The following MBTPS1 variants were observed in gnomAD, a reference collection of about 807,000 sequenced individuals.
The protein encoded by MBTPS1 is membrane-bound transcription factor site-1 protease.
In MBTPS1, 94 loss-of-function variants were observed where a neutral mutation model predicts 127.8. The ratio of observed to expected loss-of-function variants is 0.74; its 90% CI spans 0.62 to 0.87. MBTPS1 has a LOEUF of 0.87. Ranked by LOEUF, MBTPS1 falls within the 40% of genes least tolerant of loss-of-function variation. The pLI, the probability that MBTPS1 is intolerant of heterozygous loss-of-function variation, is 0.00. For synonymous variants in MBTPS1, 632 were observed against 509.4 expected (o/e 1.24, Z -3.24); for missense variants, 1,636 against 1,353.2 (o/e 1.21, Z -3.28).
chr16:84,093,239 T>A lies in MBTPS1; in HGVS notation c.795A>T (p.Gly265=), dbSNP rs1162105417. The change falls in exon 6 of 23, where the codon GGA becomes GGT. Residue 265 remains glycine (G), a synonymous_variant. Coordinates refer to ENST00000343411, the MANE Select transcript of MBTPS1 (RefSeq NM_003791.4). ...GVIASMRECQ[G]FAPDAELHIF... is the part of the protein sequence containing the mutation. ...TGTGAAGTTCTGCATCTGGAGCAAA[T>A]CCTTGGCACTCCCTCATGCTGGCTA... The A allele has an allele frequency of 6.2e-7, 1 of 1,613,938 alleles. No individual in the cohort carries two copies. Among genetic ancestry groups the A allele is most frequent in the Non-Finnish European group, 8.5e-7 (1 of 1,179,966 alleles).
intron 11 of MBTPS1, among the ~76,000 whole-genome samples, chr16:84,078,534 G>A (rs540968400): frequency 2.0e-4 from 31 of 152,302 alleles, no homozygotes; most frequent in African/African-American, 6.5e-4. Context: ...TCTCAATGCT[G>A]AGCAGGGTAA....
chr16:84,056,062 G>T lies in MBTPS1; in HGVS notation c.2905C>A (p.Arg969Ser). The T allele has an allele frequency of 6.2e-7, 1 of 1,614,074 alleles. No homozygotes were observed. The highest frequency in any genetic ancestry group is 1.1e-5 in the South Asian group (1 of 91,086). ...KVVLPNFRSNRPQVRPLSPGE... is the reference protein window; with the variant it reads ...KVVLPNFRSNSPQVRPLSPGE... ...GGGGACAAGGGCCTCACTTGAGGGC[G>T]ATTCGATCGAAAGTTGGGTAACACC... The change falls in exon 22 of 23, where the codon CGC becomes AGC. Residue 969 changes from arginine (R) to serine (S), a missense_variant. Transcript: ENST00000343411.
chr16:84,065,835 C>A (rs980421151), intron 17 of MBTPS1, 68 bp from the exon 18 acceptor site: 23 of 886,322 alleles, frequency 2.6e-5, no homozygotes, highest in Non-Finnish European at 1.2e-5. Flanking sequence ...AATAGCTACT[C>A]GTTTACCCAA....
intron 19 of MBTPS1, among the ~76,000 whole-genome samples, chr16:84,062,933 G>A (rs1479351556): frequency 6.6e-6 from 1 of 152,162 alleles, no homozygotes; most frequent in Non-Finnish European, 1.5e-5. Context: ...GCGCCCCCTC[G>A]TGGCAGTGCC....
intron 11 of MBTPS1, among the ~76,000 whole-genome samples, chr16:84,079,803 T>C (rs930343186): frequency 2.0e-5 from 3 of 152,358 alleles, no homozygotes; most frequent in African/African-American, 4.8e-5. Context: ...CATGAACTCA[T>C]GTTTCCAGTA....
intron 1 of MBTPS1, among the ~76,000 whole-genome samples, chr16:84,111,796 T>C (rs1023165207): frequency 1.3e-5 from 2 of 152,116 alleles, no homozygotes; most frequent in Non-Finnish European, 2.9e-5. Flanking sequence ...TGGTCATTTG[T>C]TACAATAGAA....
intron 1 of MBTPS1, among the ~76,000 whole-genome samples, chr16:84,115,662 C>A (rs141904672): frequency 6.6e-6 from 1 of 152,174 alleles, no homozygotes; most frequent in African/African-American, 2.4e-5. Context: ...TCTGAATATA[C>A]GAAATAGTCA....
intron 18 of MBTPS1, 140 bp downstream of exon 18, chr16:84,065,550 G>C (rs985512458): frequency 4.6e-6 from 3 of 654,622 alleles, no homozygotes; most frequent in East Asian, 2.8e-5. Flanking sequence ...CACTTTAAAA[G>C]GGCAACTGTT....
intron 20 of MBTPS1, chr16:84,060,080 G>C (rs1231609791): frequency 6.5e-6 from 1 of 152,894 alleles, no homozygotes; most frequent in African/African-American, 2.4e-5. Flanking sequence ...GCACACCAGG[G>C]ACTTAGACGC....
intron 21 of MBTPS1, chr16:84,056,918 G>C (rs991125548): frequency 5.3e-5 from 8 of 152,230 alleles, no homozygotes; most frequent in Non-Finnish European, 1.0e-4. Context: ...CGAAGAGCGC[G>C]ATGGGAAAAA....
chr16:84,108,137 T>A (rs540423199), intron 1 of MBTPS1, among the ~76,000 whole-genome samples: 1 of 152,184 alleles, frequency 6.6e-6, no homozygotes, highest in South Asian at 2.1e-4. Flanking sequence ...GTTCTCACTA[T>A]ACAATGCAAA....
intron 1 of MBTPS1, among the ~76,000 whole-genome samples, chr16:84,106,167 C>T (rs910626790): frequency 3.3e-5 from 5 of 152,030 alleles, no homozygotes; most frequent in African/African-American, 9.7e-5. Flanking sequence ...TGGCGACAGG[C>T]GCCTGTAGCT....
Position 84,066,696 on chromosome 16 carries a change from A to G in MBTPS1, c.2229-83T>C, listed in dbSNP as rs2085689012. 3.0e-6 allele frequency: 4 copies of G among 1,338,058 alleles called. No individual in the cohort carries two copies. The East Asian group carries it at 1.0e-4, about 34-fold the overall frequency. The allele number at this position is 1,338,058 out of a possible 1,614,324, so 82.9% of individuals were successfully genotyped here. A position where few individuals can be genotyped will look rare whatever the true frequency, so the allele number is the denominator to read the frequency against. On this transcript the variant is annotated intron_variant, in intron 16 of 22. Coordinates refer to ENST00000343411, the MANE Select transcript of MBTPS1 (RefSeq NM_003791.4). The stretch of plus-strand genomic sequence containing the variant: ...TTATTTAGTCTCTGTGACAAAACTC[A>G]ATTTCTCCTGCCACAATCCAGTCCT...
intron 19 of MBTPS1, among the ~76,000 whole-genome samples, chr16:84,062,965 C>T (rs758205647): frequency 2.0e-5 from 3 of 152,196 alleles, no homozygotes; most frequent in Non-Finnish European, 2.9e-5. Flanking sequence ...GGCAGCACGG[C>T]GTAGGAAGCC....
chr16:84,073,677 A>T lies in MBTPS1; in HGVS notation c.1593+920T>A, dbSNP rs966003709. 4.2e-5 allele frequency among the ~76,000 whole-genome samples: 5 copies of T among 119,760 alleles called. No homozygotes were observed. In the South Asian group the frequency reaches 7.2e-4, roughly 17 times the overall value. 78.6% of individuals were successfully genotyped at this position (119,760 alleles called of 152,430 possible). ...TTTTAAAAATTTACAAAACAATATT[A>T]AAAAAAAAAGACCGTATCTTCCAAA... On this transcript the variant is annotated intron_variant, in intron 12 of 22. Coordinates refer to ENST00000343411, the MANE Select transcript of MBTPS1 (RefSeq NM_003791.4).
At chr16:84,098,786 C>A (rs891860307) in intron 3 of MBTPS1, among the ~76,000 whole-genome samples, 5 of 152,090 alleles carry the variant, frequency 3.3e-5, no homozygotes, top group Non-Finnish European at 5.9e-5. Flanking sequence ...AAACAAAGAT[C>A]ACTACCATCT....
At chr16:84,079,901 AC>A (rs1199010168) in intron 11 of MBTPS1, among the ~76,000 whole-genome samples, 1 of 152,162 alleles carries the variant, frequency 6.6e-6, no homozygotes, top group Non-Finnish European at 1.5e-5. Context: ...GAGCGCAGTA[AC>A]CACTGTGAGC....
chr16:84,056,461 C>G lies in MBTPS1; in HGVS notation c.2832-326G>C, dbSNP rs894853387. 1.9e-5 allele frequency: 4 copies of G among 211,824 alleles called. No homozygotes were observed. The Admixed American group carries it at 2.2e-4, about 12-fold the overall frequency. The allele number at this position is 211,824 out of a possible 1,614,324, so 13.1% of individuals were successfully genotyped here. A position where few individuals can be genotyped will look rare whatever the true frequency, so the allele number is the denominator to read the frequency against. ...ACTCCAAGCGAGGCCCTGGAAGGAG[C>G]CTGTCAGGGGGAGGAGCTGAAGCCT... On this transcript the variant is annotated intron_variant, in intron 21 of 22. Transcript: ENST00000343411.
chr16:84,061,225 T>C (rs2085608021), intron 19 of MBTPS1: 1 of 162,518 alleles, frequency 6.2e-6, no homozygotes, highest in Admixed American at 5.9e-5. Context: ...TCAAAGTAAA[T>C]CCAACATGTT....
Sources: gnomAD v4.1 joint callset for allele counts (sites outside exome capture counted in the v4.1 genomes callset) on GRCh38, gnomAD v4.1.1 for gene constraint, MANE v1.5 for transcripts, NCBI Gene and HGNC (gene_info 2026-07-23, HGNC 2026-07-21) for gene names.